The following KCNMA1 variants were observed in gnomAD, a reference collection of about 807,000 sequenced individuals.
KCNMA1 encodes the protein potassium calcium-activated channel subfamily M alpha 1.
A neutral mutation model predicts 140.0 loss-of-function variants in KCNMA1; 29 were observed. The observed-to-expected ratio is 0.21, with a 90% CI of 0.15 to 0.28. The LOEUF (loss-of-function observed/expected upper bound fraction) is 0.28. KCNMA1 is among the 10% of genes least tolerant of loss of function. KCNMA1 has a pLI of 1.00. For synonymous variants in KCNMA1, 612 were observed against 611.9 expected (o/e 1.00, Z 0.00); for missense variants, 880 against 1,602.2 (o/e 0.55, Z 7.70).
chr10:77,336,129 G>T (rs2088859614), intron 2 of KCNMA1, among the ~76,000 whole-genome samples: 1 of 151,654 alleles, frequency 6.6e-6, no homozygotes, highest in Non-Finnish European at 1.5e-5. Flanking sequence ...GCATCTCCCA[G>T]ATATTTTTTT....
chr10:77,615,576 G>A (rs987257048), intron 1 of KCNMA1, among the ~76,000 whole-genome samples: 5 of 152,104 alleles, frequency 3.3e-5, no homozygotes, highest in South Asian at 2.1e-4. Context: ...CTGAGGCCTC[G>A]CCCCTGAGTT....
intron 3 of KCNMA1, chr10:77,217,351 G>A: frequency 7.3e-6 from 2 of 274,926 alleles, no homozygotes; most frequent in Non-Finnish European, 7.5e-6. Flanking sequence ...TTTTTTCTAA[G>A]CCAAATGTTT....
chr10:77,385,850 T>C (rs1484139971), intron 2 of KCNMA1, among the ~76,000 whole-genome samples: 11 of 152,062 alleles, frequency 7.2e-5, no homozygotes, highest in Admixed American at 3.9e-4. Context: ...TTGGGGAAAA[T>C]TCATCTGGCA....
chr10:77,123,096 C>T (rs1199329817), intron 5 of KCNMA1, among the ~76,000 whole-genome samples: 1 of 136,602 alleles, frequency 7.3e-6, no homozygotes, highest in African/African-American at 2.7e-5. Context: ...AGGAGAATGG[C>T]GTGTACCCGG....
chr10:77,208,545 T>C (rs1314367051), intron 3 of KCNMA1, among the ~76,000 whole-genome samples: 2 of 151,734 alleles, frequency 1.3e-5, no homozygotes, highest in Middle Eastern at 3.2e-3. Context: ...TGAAAGCCCA[T>C]GAACAGCAAA....
intron 8 of KCNMA1, among the ~76,000 whole-genome samples, chr10:77,109,902 A>G (rs2097282317): frequency 6.6e-6 from 1 of 152,188 alleles, no homozygotes; most frequent in Non-Finnish European, 1.5e-5. Flanking sequence ...CCTTATTAAC[A>G]GCATCACTTT....
At chr10:77,035,817 T>C (rs1282134080) in intron 15 of KCNMA1, among the ~76,000 whole-genome samples, 1 of 152,152 alleles carries the variant, frequency 6.6e-6, no homozygotes, top group Admixed American at 6.5e-5. Flanking sequence ...GGAAAAGACA[T>C]TAACCCGTAC....
At chr10:76,928,284 C>CGT (rs1564964725) in intron 23 of KCNMA1, among the ~76,000 whole-genome samples, 41 of 83,732 alleles carry the variant, frequency 4.9e-4, no homozygotes, top group Admixed American at 1.3e-3. Context: ...CACGAACACG[C>CGT]GCGCGCACAC....
intron 1 of KCNMA1, among the ~76,000 whole-genome samples, chr10:77,462,582 C>T (rs551163368): frequency 6.6e-6 from 1 of 152,336 alleles, no homozygotes; most frequent in African/African-American, 2.4e-5. Context: ...TGCACTTACA[C>T]ACTGTGTGAT....
Position 76,887,498 on chromosome 10 carries a change from G to T in KCNMA1, c.3479C>A (p.Pro1160Gln). 6.2e-7 allele frequency: 1 copy of T among 1,614,098 alleles called. No homozygotes were observed. The highest frequency in any genetic ancestry group is 8.5e-7 in the Non-Finnish European group (1 of 1,180,004). ...CGGCACGAGCTCAAACTCATAGGGC[G>T]GGTTGGTGATGACATACCTGGACAG... Reference protein sequence around the residue: ...QCTKRYVITNPPYEFELVPTD... With the variant: ...QCTKRYVITNQPYEFELVPTD... The change falls in exon 28 of 28, where the codon CCG becomes CAG. Residue 1160 changes from proline (P) to glutamine (Q), a missense_variant. Transcript: ENST00000286628.
At chr10:77,462,408 AAC>A (rs1249065113) in intron 1 of KCNMA1, among the ~76,000 whole-genome samples, 1 of 150,884 alleles carries the variant, frequency 6.6e-6, no homozygotes, top group Non-Finnish European at 1.5e-5. Context: ...TTTACAAACA[AAC>A]ACAAATGTAT....
chr10:77,105,861 A>C (rs919038882), intron 9 of KCNMA1, among the ~76,000 whole-genome samples: 5 of 152,196 alleles, frequency 3.3e-5, no homozygotes, highest in African/African-American at 1.2e-4. Flanking sequence ...TTATATTGCT[A>C]ATTACTACCA....
chr10:77,329,604 T>C (rs1361304322), intron 2 of KCNMA1, among the ~76,000 whole-genome samples: 1 of 152,220 alleles, frequency 6.6e-6, no homozygotes. Context: ...TTACAGCAGC[T>C]CAAATGAACT....
intron 1 of KCNMA1, among the ~76,000 whole-genome samples, chr10:77,441,986 T>C (rs10824546): frequency 0.25 from 37,948 of 152,088 alleles, 6,267 homozygotes; most frequent in African/African-American, 0.47. Context: ...CTGTCCTGGA[T>C]GAGCTAGGGA....
intron 2 of KCNMA1, among the ~76,000 whole-genome samples, chr10:77,319,501 T>A (rs1470032593): frequency 2.6e-5 from 4 of 152,196 alleles, no homozygotes; most frequent in Admixed American, 2.0e-4. Context: ...GAAGCCCAAG[T>A]CCTTCACTCG....
chr10:77,152,278 T>TTGGG (rs368106782), intron 5 of KCNMA1, among the ~76,000 whole-genome samples: 13 of 99,184 alleles, frequency 1.3e-4, no homozygotes, highest in Middle Eastern at 4.4e-3. Flanking sequence ...TTTTTTGCTT[T>TTGGG]TGTGTGTGTG....
chr10:77,079,764 G>A (rs1333163588), intron 12 of KCNMA1: 1 of 596,042 alleles, frequency 1.7e-6, no homozygotes, highest in East Asian at 2.9e-5. Flanking sequence ...AAGCCCAGCA[G>A]TGTGCCCTGT....
intron 1 of KCNMA1, among the ~76,000 whole-genome samples, chr10:77,512,987 G>A (rs369092818): frequency 3.3e-5 from 5 of 152,220 alleles, no homozygotes; most frequent in South Asian, 4.2e-4. Context: ...AACTTCACCA[G>A]TGTTAACCAG....
chr10:77,215,817 G>A (rs1474119953), intron 3 of KCNMA1, among the ~76,000 whole-genome samples: 1 of 151,954 alleles, frequency 6.6e-6, no homozygotes, highest in African/African-American at 2.4e-5. Context: ...CTTATGATGG[G>A]ATTAATGTCC....
Sources: gnomAD v4.1 joint callset for allele counts (sites outside exome capture counted in the v4.1 genomes callset) on GRCh38, gnomAD v4.1.1 for gene constraint, MANE v1.5 for transcripts, NCBI Gene and HGNC (gene_info 2026-07-23, HGNC 2026-07-21) for gene names.